Variants in ATP11C observed in about 807,000 individuals in gnomAD.
ATP11C encodes the protein ATPase phospholipid transporting 11C (ATP11C blood group), also known as phospholipid-transporting ATPase IG.
A neutral mutation model predicts 97.4 loss-of-function variants in ATP11C; 36 were observed. The ratio of observed to expected loss-of-function variants is 0.37; its 90% CI spans 0.28 to 0.49. The LOEUF (loss-of-function observed/expected upper bound fraction) is 0.49. ATP11C is among the 20% of genes least tolerant of loss of function. The pLI is 0.98. For synonymous variants in ATP11C, 275 were observed against 290.9 expected (o/e 0.95, Z 0.56); for missense variants, 730 against 824.6 (o/e 0.89, Z 1.40).
chrX:139,762,437 G>A (rs1487712844), intron 21 of ATP11C, among the ~76,000 whole-genome samples: 2 of 111,192 alleles, frequency 1.8e-5, no homozygotes, highest in Admixed American at 9.6e-5. Context: ...TGTGTATGAC[G>A]CTAGACTAGG....
intron 1 of ATP11C, chrX:139,885,417 T>C (rs1249134755): frequency 9.0e-6 from 1 of 111,056 alleles, no homozygotes; most frequent in Non-Finnish European, 1.9e-5. Context: ...TTTGTTACAT[T>C]TCCCCCCACT....
At chrX:139,823,326 A>G (rs1185813688) in intron 2 of ATP11C, among the ~76,000 whole-genome samples, 2 of 112,723 alleles carry the variant, frequency 1.8e-5, no homozygotes, top group African/African-American at 6.5e-5. Context: ...AGATGAAATT[A>G]TGTGAAAAAG....
chrX:139,780,510 T>TTA (rs763564825), intron 18 of ATP11C, among the ~76,000 whole-genome samples: 1 of 97,887 alleles, frequency 1.0e-5, no homozygotes, highest in African/African-American at 3.7e-5. Flanking sequence ...ACCTTGATGA[T>TTA]AAAAAAAAAA....
intron 1 of ATP11C, among the ~76,000 whole-genome samples, chrX:139,909,702 G>T (rs1219567658): frequency 1.8e-5 from 2 of 111,431 alleles, no homozygotes; most frequent in African/African-American, 6.5e-5. Flanking sequence ...TAGAGTACGT[G>T]GGATCTCTCT....
intron 1 of ATP11C, among the ~76,000 whole-genome samples, chrX:139,855,519 T>G (rs2084076572): frequency 9.0e-6 from 1 of 111,315 alleles, no homozygotes; most frequent in African/African-American, 3.3e-5. Flanking sequence ...CATACCCGAG[T>G]CAAGAAAGCG....
chrX:139,911,882 GA>G (rs2085080728), intron 1 of ATP11C, among the ~76,000 whole-genome samples: 1 of 110,577 alleles, frequency 9.0e-6, no homozygotes, highest in Non-Finnish European at 1.9e-5. Flanking sequence ...ACCTTAAAAA[GA>G]ATCTTAGCAG....
chrX:139,799,213 A>G (rs894142927), intron 8 of ATP11C, among the ~76,000 whole-genome samples: 3 of 111,804 alleles, frequency 2.7e-5, no homozygotes, highest in African/African-American at 9.7e-5. Context: ...GTAAAGGCCA[A>G]GTGGAAAAGT....
At chrX:139,902,094 G>A (rs1259886574) in intron 1 of ATP11C, among the ~76,000 whole-genome samples, 3 of 111,545 alleles carry the variant, frequency 2.7e-5, no homozygotes, top group African/African-American at 9.8e-5. Flanking sequence ...TCACTGAGAT[G>A]AATGTGTATC....
chrX:139,738,369 C>T (rs1347576541), intron 27 of ATP11C, among the ~76,000 whole-genome samples: 2 of 111,899 alleles, frequency 1.8e-5, no homozygotes, highest in Non-Finnish European at 1.9e-5. Flanking sequence ...AATGCTGGTG[C>T]TTAAAAGATA....
intron 19 of ATP11C, among the ~76,000 whole-genome samples, chrX:139,771,166 T>G (rs943298866): frequency 9.0e-6 from 1 of 111,424 alleles, no homozygotes; most frequent in Non-Finnish European, 1.9e-5. Context: ...GGGGCCGGTC[T>G]TTCCTGTGCT....
Position 139,858,902 on chromosome X carries a change from C to T in ATP11C, c.28-32079G>A, listed in dbSNP as rs141304805. On this transcript the variant is annotated intron_variant, in intron 1 of 29. Coordinates refer to ENST00000682941, the MANE Select transcript of ATP11C (RefSeq NM_001353812.2). ...TAACATATTCACAGCATTGTGCAACCATCACCACAATCTAACTCTAAAACA... is the reference window on the plus strand; with the variant it reads ...TAACATATTCACAGCATTGTGCAACTATCACCACAATCTAACTCTAAAACA... 3.1e-3 allele frequency among the ~76,000 whole-genome samples: 352 copies of T among 112,206 alleles called. 4 individuals are homozygous for T. The highest frequency in any genetic ancestry group is 0.01 in the African/African-American group (316 of 30,910).
At chrX:139,791,675 C>T (rs1193977101) in intron 12 of ATP11C, among the ~76,000 whole-genome samples, 1 of 110,764 alleles carries the variant, frequency 9.0e-6, no homozygotes, top group Non-Finnish European at 1.9e-5. Flanking sequence ...ATTTACAGAA[C>T]CACCGCCCTA....
At chrX:139,879,669 T>C (rs1294415391) in intron 1 of ATP11C, among the ~76,000 whole-genome samples, 1 of 112,053 alleles carries the variant, frequency 8.9e-6, no homozygotes, top group Non-Finnish European at 1.9e-5. Context: ...AATCATCACA[T>C]TGCACTGCAC....
chrX:139,926,386 G>A (rs939815782), intron 1 of ATP11C, among the ~76,000 whole-genome samples: 1 of 111,601 alleles, frequency 9.0e-6, no homozygotes, highest in Non-Finnish European at 1.9e-5. Flanking sequence ...AATGAGCCTT[G>A]ATTTTTTCCA....
intron 1 of ATP11C, among the ~76,000 whole-genome samples, chrX:139,841,850 T>C (rs901859143): frequency 1.3e-4 from 15 of 111,917 alleles, no homozygotes; most frequent in Non-Finnish European, 2.6e-4. Context: ...TGGAACCTAG[T>C]AAGGTGATTT....
chrX:139,902,444 C>G (rs1344225696), intron 1 of ATP11C, among the ~76,000 whole-genome samples: 1 of 111,449 alleles, frequency 9.0e-6, no homozygotes, highest in African/African-American at 3.3e-5. Flanking sequence ...GAGGACTACA[C>G]TAACATAACG....
At chrX:139,809,064 G>A (rs1411466208) in intron 5 of ATP11C, among the ~76,000 whole-genome samples, 1 of 108,645 alleles carries the variant, frequency 9.2e-6, no homozygotes, top group African/African-American at 3.4e-5. Context: ...AGTGAGCCGA[G>A]ATCGTGCCAC....
chrX:139,833,295 G>A (rs764319981), intron 1 of ATP11C, among the ~76,000 whole-genome samples: 21 of 111,939 alleles, frequency 1.9e-4, no homozygotes, highest in Non-Finnish European at 3.2e-4. Flanking sequence ...GCACATCCAG[G>A]CTATAACTTT....
At chrX:139,893,741 CA>C (rs35487068) in intron 1 of ATP11C, among the ~76,000 whole-genome samples, 6,619 of 84,440 alleles carry the variant, frequency 0.078, 552 homozygotes, top group African/African-American at 0.25. Context: ...TAACAAACTA[CA>C]AAAAAAAAAA....
Sources: allele counts gnomAD v4.1 joint callset (sites outside exome capture counted in the v4.1 genomes callset), GRCh38; gene constraint gnomAD v4.1.1; transcripts MANE v1.5; gene names NCBI Gene and HGNC (gene_info 2026-07-23, HGNC 2026-07-21).